DYNC2H1: variants seen among roughly 807,000 people sequenced by gnomAD.
DYNC2H1 encodes dynein cytoplasmic 2 heavy chain 1.
In DYNC2H1, 410 loss-of-function variants were observed where a neutral mutation model predicts 570.0. That is an observed-to-expected ratio of 0.72 (90% CI 0.66 to 0.78). The LOEUF is 0.78. DYNC2H1 is among the 30% of genes least tolerant of loss of function. DYNC2H1 has a pLI of 0.00. For missense variants in DYNC2H1, 4,865 were observed against 5,046.4 expected, an observed-to-expected ratio of 0.96 and a Z score of 1.09; for synonymous variants, 1,688 against 1,677.6, an observed-to-expected ratio of 1.01 and a Z score of -0.15.
chr11:103,250,960 T>C (rs1337439847), intron 65 of DYNC2H1, among the ~76,000 whole-genome samples: 2 of 152,046 alleles, frequency 1.3e-5, no homozygotes, highest in Non-Finnish European at 2.9e-5. Context: ...CATTTGGTTA[T>C]TTTTTATAAA....
intron 82 of DYNC2H1, among the ~76,000 whole-genome samples, chr11:103,352,442 A>G (rs1173896802): frequency 6.6e-6 from 1 of 152,184 alleles, no homozygotes; most frequent in Non-Finnish European, 1.5e-5. Context: ...TTTCATGAAC[A>G]CAGTATTTTA....
At chr11:103,149,764 G>A (rs1261006565) in intron 20 of DYNC2H1, among the ~76,000 whole-genome samples, 1 of 152,020 alleles carries the variant, frequency 6.6e-6, no homozygotes, top group Non-Finnish European at 1.5e-5. Context: ...ACATACACGT[G>A]TGTGCGTGTG....
At chr11:103,361,321 A>G (rs887407053) in intron 83 of DYNC2H1, among the ~76,000 whole-genome samples, 2 of 152,190 alleles carry the variant, frequency 1.3e-5, no homozygotes, top group African/African-American at 4.8e-5. Context: ...GGACACTTCA[A>G]AAAGACTGCC....
At chr11:103,233,984 A>G in intron 60 of DYNC2H1, 50 bp from the exon 61 acceptor site, 2 of 1,524,048 alleles carry the variant, frequency 1.3e-6, no homozygotes, top group Non-Finnish European at 1.8e-6. Flanking sequence ...ATTTCATTAA[A>G]TCTCTCCCAA....
chr11:103,348,504 A>G (rs537184061), intron 82 of DYNC2H1, among the ~76,000 whole-genome samples: 2 of 152,042 alleles, frequency 1.3e-5, no homozygotes, highest in Non-Finnish European at 2.9e-5. Flanking sequence ...ATCAGTATGG[A>G]TTAGTTTGCA....
chr11:103,174,404 C>A (rs1861708495), intron 36 of DYNC2H1, among the ~76,000 whole-genome samples: 1 of 152,096 alleles, frequency 6.6e-6, no homozygotes, highest in Admixed American at 6.6e-5. Flanking sequence ...TTCAGGTTTT[C>A]TCCAGTTTTT....
chr11:103,172,583 A>C (rs1215545867), intron 34 of DYNC2H1, among the ~76,000 whole-genome samples: 1 of 151,980 alleles, frequency 6.6e-6, no homozygotes, highest in Non-Finnish European at 1.5e-5. Context: ...GTTTTGCTGA[A>C]AATCCTCCTA....
chr11:103,377,013 T>C (rs1265186074), intron 83 of DYNC2H1, among the ~76,000 whole-genome samples: 1 of 152,242 alleles, frequency 6.6e-6, no homozygotes, highest in African/African-American at 2.4e-5. Flanking sequence ...GATTCCCTTA[T>C]ATGTGACTTC....
Position 103,211,660 on chromosome 11 carries a change from G to A in DYNC2H1, c.8540-129G>A, listed in dbSNP as rs115855767. On this transcript the variant is annotated intron_variant, in intron 53 of 88. Transcript: ENST00000375735. ...TGCCTGTGCATCTTTAAGCAAAGAT[G>A]CTATCTCATATTTATAACTATATAG... The A allele has an allele frequency of 6.6e-3, 2,661 of 404,838 alleles. 72 individuals are homozygous for A. Among genetic ancestry groups the A allele is most frequent in the African/African-American group, 0.049 (2,410 of 48,720 alleles). The allele number at this position is 404,838 out of a possible 1,614,324, so 25.1% of individuals were successfully genotyped here. A position where few individuals can be genotyped will look rare whatever the true frequency, so the allele number is the denominator to read the frequency against.
chr11:103,375,146 G>A (rs1277596761), intron 83 of DYNC2H1, among the ~76,000 whole-genome samples: 1 of 152,240 alleles, frequency 6.6e-6, no homozygotes, highest in Non-Finnish European at 1.5e-5. Context: ...TTCAGAGGGT[G>A]CAAGCCTCAA....
intron 85 of DYNC2H1, among the ~76,000 whole-genome samples, chr11:103,448,754 G>C (rs553343861): frequency 5.9e-4 from 89 of 152,126 alleles, no homozygotes; most frequent in African/African-American, 2.0e-3. Flanking sequence ...CTTGGTTAAG[G>C]TTACTTAAAA....
At chr11:103,373,732 TG>T (rs2135560522) in intron 83 of DYNC2H1, among the ~76,000 whole-genome samples, 1 of 152,312 alleles carries the variant, frequency 6.6e-6, no homozygotes, top group East Asian at 1.9e-4. Flanking sequence ...CTTAGTCCAA[TG>T]GTTTTTTATT....
In DYNC2H1 at chr11:103,345,447, A is replaced by T. The variant is rs1334546966; in HGVS notation, c.12040-12796A>T. Among the ~76,000 whole-genome samples the T allele has an allele frequency of 2.6e-5, 4 of 152,218 alleles. No individual in the cohort carries two copies. In the South Asian group the frequency reaches 8.3e-4, roughly 32 times the overall value. On this transcript the variant is annotated intron_variant, in intron 82 of 88. Coordinates refer to ENST00000375735, the MANE Select transcript of DYNC2H1 (RefSeq NM_001377.3). Reference sequence around the variant, plus strand: ...ATTCACTATTGTGCGAACAGTATGTAATATCTGCATCCTTTTAATCCTACT... The same window carrying T: ...ATTCACTATTGTGCGAACAGTATGTTATATCTGCATCCTTTTAATCCTACT...
In DYNC2H1 at chr11:103,459,968, AG is replaced by A. The variant is rs66834575; in HGVS notation, c.12648+3613del. On this transcript the variant is annotated intron_variant, in intron 87 of 88. Transcript: ENST00000375735. ...AGCGAGACTCCGTCTCAAAAAAAAAAGAAAAAAAAAAAAAAGCTGAAGGACT... is the reference window on the plus strand; with the variant it reads ...AGCGAGACTCCGTCTCAAAAAAAAAAAAAAAAAAAAAAAAGCTGAAGGACT... Among the ~76,000 whole-genome samples, 1,594 of 144,506 alleles carry A rather than the reference AG, an allele frequency of 0.011. 78 individuals carry two copies. The East Asian group carries it at 0.12, about 11-fold the overall frequency. The allele number at this position is 144,506 out of a possible 152,430, so 94.8% of individuals were successfully genotyped here. A position where few individuals can be genotyped will look rare whatever the true frequency, so the allele number is the denominator to read the frequency against.
intron 24 of DYNC2H1, 77 bp downstream of exon 24, chr11:103,154,886 AT>A: frequency 9.8e-7 from 1 of 1,020,838 alleles, no homozygotes; most frequent in Non-Finnish European, 1.4e-6. Context: ...GAACTATATA[AT>A]TTTACTTTAT....
chr11:103,392,475 G>A (rs1250802881), intron 83 of DYNC2H1, among the ~76,000 whole-genome samples: 3 of 152,194 alleles, frequency 2.0e-5, no homozygotes, highest in Non-Finnish European at 4.4e-5. Context: ...GCCCTGCTTC[G>A]GCTCACACTT....
chr11:103,408,477 T>G (rs1942956509), intron 84 of DYNC2H1: 1 of 152,058 alleles, frequency 6.6e-6, no homozygotes. Context: ...GTGTGATGAT[T>G]TGTTTGATTG....
Position 103,268,114 on chromosome 11 carries a change from A to G in DYNC2H1, c.10695+8137A>G, listed in dbSNP as rs372745848. Among the ~76,000 whole-genome samples, 6 of 151,992 alleles carry G rather than the reference A, an allele frequency of 3.9e-5. No homozygotes were observed. The highest frequency in any genetic ancestry group is 3.9e-4 in the East Asian group (2 of 5,192). Reference sequence around the variant, plus strand: ...TATTCAGTAAATTTCTGTAAGTATAATTGCTGGTCCAAGGATTGCTTTATA... The same window carrying G: ...TATTCAGTAAATTTCTGTAAGTATAGTTGCTGGTCCAAGGATTGCTTTATA... On this transcript the variant is annotated intron_variant, in intron 70 of 88. Transcript: ENST00000375735. This position sits in a 1 kb window ranked among gnomAD's most constrained non-coding sequence, Gnocchi z 4.6.
Position 103,256,125 on chromosome 11 carries a change from G to A in DYNC2H1, c.10346G>A (p.Gly3449Asp), listed in dbSNP as rs1361679460. The change falls in exon 68 of 89, where the codon GGC becomes GAC. Residue 3449 changes from glycine to aspartate, a missense_variant. By Grantham distance (94) the Gly-to-Asp change is moderately conservative (BLOSUM62 -1). This residue lies in a region of DYNC2H1 where 2,401 missense variants were observed against 2,454.6 expected (regional missense o/e 0.98). Transcript: ENST00000375735. The surrounding 1 kb of genome is among the most constrained non-coding windows in gnomAD (Gnocchi z 4.0). ...SLLETLATSQGNILENKDLIE... is the reference protein window; with the variant it reads ...SLLETLATSQDNILENKDLIE... ...CTACAGACACTTGCCACATCTCAAGGCAATATTTTGGAAAATAAGGATTTG... is the reference window on the plus strand; with the variant it reads ...CTACAGACACTTGCCACATCTCAAGACAATATTTTGGAAAATAAGGATTTG... The A allele has an allele frequency of 6.2e-7, 1 of 1,605,106 alleles. No homozygotes were observed. Among genetic ancestry groups the A allele is most frequent in the South Asian group, 1.1e-5 (1 of 89,802 alleles).
Sources: allele counts gnomAD v4.1 joint callset (sites outside exome capture counted in the v4.1 genomes callset), GRCh38; gene constraint gnomAD v4.1.1; regional missense constraint gnomAD v4.1.1; non-coding constraint Gnocchi (gnomAD v3.1); transcripts MANE v1.5; gene names NCBI Gene and HGNC (gene_info 2026-07-23, HGNC 2026-07-21).